B3GALT1: variants seen among roughly 807,000 people sequenced by gnomAD.
B3GALT1 encodes the protein UDP-Gal:betaGlcNAc beta 1,3-galactosyltransferase, polypeptide 1.
In B3GALT1, 10 loss-of-function variants were observed where a neutral mutation model predicts 23.2. The observed-to-expected ratio is 0.43, with a 90% CI of 0.27 to 0.73. The LOEUF is 0.73. B3GALT1 is among the 30% of genes least tolerant of loss of function. The pLI, the probability that B3GALT1 is intolerant of heterozygous loss-of-function variation, is 0.21. For missense variants in B3GALT1, 299 were observed against 405.4 expected, an observed-to-expected ratio of 0.74 and a Z score of 2.25; for synonymous variants, 156 against 141.5, an observed-to-expected ratio of 1.10 and a Z score of -0.73.
chr2:167,348,840 T>G (rs1035930882), intron 1 of B3GALT1, among the ~76,000 whole-genome samples: 1 of 152,198 alleles, frequency 6.6e-6, no homozygotes, highest in African/African-American at 2.4e-5. Flanking sequence ...ATAAGATCTA[T>G]CTTTCACATG....
intron 2 of B3GALT1, among the ~76,000 whole-genome samples, chr2:167,623,046 A>T (rs1364073022): frequency 2.6e-5 from 4 of 152,152 alleles, no homozygotes; most frequent in African/African-American, 4.8e-5. Flanking sequence ...GAAAATACAT[A>T]GTCATGTCAA....
chr2:167,713,781 A>G (rs1687100173), intron 3 of B3GALT1: 1 of 1,592,056 alleles, frequency 6.3e-7, no homozygotes, highest in Non-Finnish European at 8.6e-7. Flanking sequence ...CTTGGATGAA[A>G]GTAAGGAGGT....
intron 4 of B3GALT1, among the ~76,000 whole-genome samples, chr2:167,852,294 C>T (rs1260119059): frequency 1.3e-5 from 2 of 152,042 alleles, no homozygotes; most frequent in Non-Finnish European, 2.9e-5. Flanking sequence ...CTGGATAAGA[C>T]GGATATAATC....
intron 3 of B3GALT1, among the ~76,000 whole-genome samples, chr2:167,753,756 G>T (rs1420453293): frequency 6.6e-6 from 1 of 152,130 alleles, no homozygotes; most frequent in Non-Finnish European, 1.5e-5. Flanking sequence ...CATTCACACT[G>T]CTTCACCACA....
chr2:167,428,537 G>A (rs770061823), intron 1 of B3GALT1, among the ~76,000 whole-genome samples: 1 of 152,108 alleles, frequency 6.6e-6, no homozygotes, highest in Non-Finnish European at 1.5e-5. Flanking sequence ...AATTAGCCAG[G>A]CATGGTGGTA....
chr2:167,479,532 C>G (rs1699532969), intron 1 of B3GALT1, among the ~76,000 whole-genome samples: 1 of 152,066 alleles, frequency 6.6e-6, no homozygotes, highest in Non-Finnish European at 1.5e-5. Flanking sequence ...GGAAATGTAA[C>G]AAGATTCAAG....
At chr2:167,710,404 A>G (rs1687030139) in intron 3 of B3GALT1, among the ~76,000 whole-genome samples, 1 of 152,216 alleles carries the variant, frequency 6.6e-6, no homozygotes, top group Admixed American at 6.5e-5. Flanking sequence ...TTCATTTTAC[A>G]GACGAGGAAA....
At chr2:167,483,185 C>T (rs1239433152) in intron 1 of B3GALT1, among the ~76,000 whole-genome samples, 2 of 149,586 alleles carry the variant, frequency 1.3e-5, no homozygotes, top group Admixed American at 6.7e-5. Flanking sequence ...CCCAGCTACT[C>T]GGAAGGCTGA....
chr2:167,670,189 G>T (rs1686298636), intron 3 of B3GALT1, among the ~76,000 whole-genome samples: 1 of 152,152 alleles, frequency 6.6e-6, no homozygotes, highest in Non-Finnish European at 1.5e-5. Context: ...GACTCTGCTA[G>T]GTTGGAAGAA....
chr2:167,657,721 A>C (rs1685979758), intron 3 of B3GALT1, among the ~76,000 whole-genome samples: 1 of 152,064 alleles, frequency 6.6e-6, no homozygotes, highest in African/African-American at 2.4e-5. Flanking sequence ...TGTGGTGTGT[A>C]AGGTTTTTTT....
chr2:167,570,761 C>T (rs2105399874), intron 2 of B3GALT1, among the ~76,000 whole-genome samples: 1 of 151,930 alleles, frequency 6.6e-6, no homozygotes, highest in Non-Finnish European at 1.5e-5. Flanking sequence ...TACCACCCCC[C>T]AATTTAAACA....
chr2:167,429,466 A>C (rs1044710865), intron 1 of B3GALT1, among the ~76,000 whole-genome samples: 3 of 152,184 alleles, frequency 2.0e-5, no homozygotes, highest in African/African-American at 7.2e-5. Flanking sequence ...TCTAATGTCC[A>C]AAAGATAAAC....
At chr2:167,456,525 TA>T (rs1004430713) in intron 1 of B3GALT1, among the ~76,000 whole-genome samples, 35 of 152,276 alleles carry the variant, frequency 2.3e-4, no homozygotes, top group African/African-American at 8.2e-4. Context: ...ATAAAACTTT[TA>T]GAAGAAAACT....
At chr2:167,811,038 G>C (rs981497480) in intron 3 of B3GALT1, among the ~76,000 whole-genome samples, 7 of 152,204 alleles carry the variant, frequency 4.6e-5, no homozygotes, top group African/African-American at 1.7e-4. Context: ...GTAGCAAGAA[G>C]TGGCATCCTA....
intron 2 of B3GALT1, among the ~76,000 whole-genome samples, chr2:167,639,872 T>A (rs1182555853): frequency 6.6e-6 from 1 of 152,114 alleles, no homozygotes; most frequent in African/African-American, 2.4e-5. Flanking sequence ...AATTCCATAC[T>A]TCCTTGATGT....
intron 1 of B3GALT1, among the ~76,000 whole-genome samples, chr2:167,360,355 G>T (rs896474021): frequency 2.3e-4 from 35 of 152,138 alleles, no homozygotes; most frequent in African/African-American, 8.4e-4. Flanking sequence ...TGTGAGCAGA[G>T]AACATCATTC....
At chr2:167,614,094 AAAG>A (rs1685115169) in intron 2 of B3GALT1, among the ~76,000 whole-genome samples, 1 of 151,856 alleles carries the variant, frequency 6.6e-6, no homozygotes, top group African/African-American at 2.4e-5. Flanking sequence ...ATTGGGAAAA[AAAG>A]AGAAAAATTA....
chr2:167,483,285 C>T (rs1239454195), intron 1 of B3GALT1, among the ~76,000 whole-genome samples: 3 of 152,114 alleles, frequency 2.0e-5, no homozygotes, highest in African/African-American at 7.2e-5. Flanking sequence ...GAGAGCAAAA[C>T]TCCATCTCAA....
chr2:167,711,918 A>G (rs1280980680), intron 3 of B3GALT1, among the ~76,000 whole-genome samples: 1 of 152,216 alleles, frequency 6.6e-6, no homozygotes, highest in African/African-American at 2.4e-5. Context: ...CAGTAAGCTG[A>G]GATCATGCCA....
Sources: gnomAD v4.1 joint callset for allele counts (sites outside exome capture counted in the v4.1 genomes callset) on GRCh38, gnomAD v4.1.1 for gene constraint, MANE v1.5 for transcripts, NCBI Gene and HGNC (gene_info 2026-07-23, HGNC 2026-07-21) for gene names.